MROH7: variants seen among roughly 807,000 people sequenced by gnomAD.
MROH7 encodes the protein maestro heat like repeat family member 7, also known as maestro heat-like repeat-containing protein family member 7.
A neutral mutation model predicts 129.2 loss-of-function variants in MROH7; 113 were observed. The ratio of observed to expected loss-of-function variants is 0.87; its 90% confidence interval spans 0.75 to 1.02. The LOEUF (loss-of-function observed/expected upper bound fraction) is 1.02. Among genes scored for constraint, MROH7 ranks in the 50% least tolerant of loss-of-function variants. MROH7 has a pLI of 0.00. For synonymous variants in MROH7, 655 were observed against 667.9 expected, an observed-to-expected ratio of 0.98 and a Z score of 0.30; for missense variants, 1,601 against 1,671.3, an observed-to-expected ratio of 0.96 and a Z score of 0.73.
At chr1:54,682,204 C>G (rs1451189181) in intron 13 of MROH7, among the ~76,000 whole-genome samples, 1 of 148,754 alleles carries the variant, frequency 6.7e-6, no homozygotes, top group East Asian at 2.0e-4. Flanking sequence ...TCTTTTCTCC[C>G]AGGCTGGAGT....
intron 17 of MROH7, chr1:54,698,699 G>C (rs924575826): frequency 4.6e-5 from 7 of 152,374 alleles, no homozygotes; most frequent in African/African-American, 1.4e-4. Flanking sequence ...GGTGAGGCTG[G>C]TGTGCAGCTT....
intron 14 of MROH7, 51 bp from the exon 15 acceptor site, chr1:54,686,207 T>C: frequency 6.6e-7 from 1 of 1,508,946 alleles, no homozygotes; most frequent in Non-Finnish European, 9.0e-7. Context: ...CAGCCAGGAG[T>C]GCTGGGAAGA....
rs980624778 is a variant in MROH7 at position 54,668,865 on chromosome 1, C to T, written c.1317C>T (p.Val439=). ...CTGCTGTCCCCTAGGTTGAGAATGT[C>T]ACCACCCTTCAGAAGAGCCAGGATC... ...GGNNMALVEN[V]TTLQKSQDLL... Residue 439 remains valine, a synonymous_variant, in exon 5 of 24, where the codon GTC becomes GTT. Transcript: ENST00000421030. The T allele has an allele frequency of 1.9e-6, 3 of 1,613,712 alleles. No individual in the cohort carries two copies. The highest frequency in any genetic ancestry group is 4.5e-5 in the East Asian group (2 of 44,884).
At chr1:54,646,915 G>C (rs1019500853) in intron 1 of MROH7, among the ~76,000 whole-genome samples, 2 of 152,192 alleles carry the variant, frequency 1.3e-5, no homozygotes, top group Non-Finnish European at 2.9e-5. Context: ...TTTGTGACCA[G>C]CTACTTTCAC....
chr1:54,654,849 C>T (rs1366860564), intron 3 of MROH7, among the ~76,000 whole-genome samples: 3 of 152,080 alleles, frequency 2.0e-5, no homozygotes, highest in Non-Finnish European at 4.4e-5. Context: ...CCTGTGCCTC[C>T]CTCCTGATTT....
At chr1:54,707,742 A>G (rs778889483) in intron 22 of MROH7, among the ~76,000 whole-genome samples, 30 of 152,180 alleles carry the variant, frequency 2.0e-4, no homozygotes, top group Non-Finnish European at 3.8e-4. Flanking sequence ...CTGCCCATAG[A>G]TAGCTCCCAG....
chr1:54,681,954 G>T (rs188976945), intron 13 of MROH7, among the ~76,000 whole-genome samples: 1 of 152,210 alleles, frequency 6.6e-6, no homozygotes, highest in East Asian at 1.9e-4. Flanking sequence ...TGTAAAATGG[G>T]AATAACAACA....
At chr1:54,684,068 T>C (rs1645110743) in intron 14 of MROH7, among the ~76,000 whole-genome samples, 1 of 152,204 alleles carries the variant, frequency 6.6e-6, no homozygotes, top group Non-Finnish European at 1.5e-5. Flanking sequence ...CACTCAGAAA[T>C]GTTTTTGTTG....
intron 11 of MROH7, 68 bp downstream of exon 11, chr1:54,678,922 A>G: frequency 7.9e-7 from 1 of 1,261,984 alleles, no homozygotes; most frequent in Non-Finnish European, 1.2e-6. Flanking sequence ...ACCTGGCCCC[A>G]AAGCTTTCTT....
chr1:54,680,069 C>G (rs1645045294), intron 13 of MROH7, 24 bp downstream of exon 13: 5 of 1,608,786 alleles, frequency 3.1e-6, no homozygotes, highest in Non-Finnish European at 4.3e-6. Context: ...GGGTTCCCAG[C>G]CACTGCATCT....
At chr1:54,659,959 A>G (rs1644708127) in intron 3 of MROH7, among the ~76,000 whole-genome samples, 1 of 152,194 alleles carries the variant, frequency 6.6e-6, no homozygotes, top group Admixed American at 6.6e-5. Flanking sequence ...GTAGCTGTGA[A>G]TGTTGTTGAC....
At position 54,699,159 on chromosome 1, in the gene MROH7, T is replaced by TTTCTTTCTTTCTTTCTTTCTTTC. The variant is rs71048705; in HGVS notation, c.2965-1160_2965-1159insCTTTCTTTCTTTCTTTCTTTCTT. ...CTTTCTTTCTTTCTTTCTTTCTTTCTTTTCTTTCTTTCTTTCTTTCTTTCT... is the reference window on the plus strand; with the variant it reads ...CTTTCTTTCTTTCTTTCTTTCTTTCTTTCTTTCTTTCTTTCTTTCTTTCTTTCTTTCTTTCTTTCTTTCTTTCT... On this transcript the variant is annotated intron_variant, in intron 17 of 23. Transcript: ENST00000421030. 158 of 65,948 alleles carry TTTCTTTCTTTCTTTCTTTCTTTC rather than the reference T, an allele frequency of 2.4e-3. 3 individuals are homozygous for TTTCTTTCTTTCTTTCTTTCTTTC. The highest frequency in any genetic ancestry group is 7.8e-3 in the African/African-American group (138 of 17,664). 4.1% of individuals were successfully genotyped at this position (65,948 alleles called of 1,614,324 possible). A position where few individuals can be genotyped will look rare whatever the true frequency, so the allele number is the denominator to read the frequency against.
chr1:54,645,399 C>A (rs1315940757), intron 1 of MROH7, among the ~76,000 whole-genome samples: 3 of 152,052 alleles, frequency 2.0e-5, no homozygotes, highest in Non-Finnish European at 2.9e-5. Flanking sequence ...CCTGCCCAAG[C>A]CTCCTGAGTA....
At chr1:54,698,697 T>G (rs1645361077) in intron 17 of MROH7, 1 of 151,652 alleles carries the variant, frequency 6.6e-6, no homozygotes, top group Non-Finnish European at 1.5e-5. Context: ...AGGGTGAGGC[T>G]GGTGTGCAGC....
chr1:54,653,343 G>A lies in MROH7; in HGVS notation c.417G>A (p.Leu139=). Reference sequence around the variant, plus strand: ...CTAGCTCTACTGAGGCCCCTCGTCTGAGCTCTGGGAACCACCCTCAGTCAA... The same window carrying A: ...CTAGCTCTACTGAGGCCCCTCGTCTAAGCTCTGGGAACCACCCTCAGTCAA... ...LSPSSTEAPR[L]SSGNHPQSNS... Residue 139 remains leucine (L), a synonymous_variant, in exon 3 of 24, where the codon CTG becomes CTA. Coordinates refer to ENST00000421030, the MANE Select transcript of MROH7 (RefSeq NM_001039464.4). 1 of 1,614,194 alleles carries A rather than the reference G, an allele frequency of 6.2e-7. No homozygotes were observed. The highest frequency in any genetic ancestry group is 8.5e-7 in the Non-Finnish European group (1 of 1,180,048).
Position 54,710,041 on chromosome 1 carries a change from T to C in MROH7, c.3826T>C (p.Trp1276Arg). The change falls in exon 24 of 24, where the codon TGG becomes CGG. Residue 1276 changes from tryptophan (W) to arginine (R), a missense_variant. Transcript: ENST00000421030. ...HILASCWQNS[W>R]LPHGNSWVCY... Reference sequence around the variant, plus strand: ...CCTGGCCAGCTGCTGGCAGAACTCCTGGCTGCCGCACGGGAACTCATGGGT... The same window carrying C: ...CCTGGCCAGCTGCTGGCAGAACTCCCGGCTGCCGCACGGGAACTCATGGGT... The C allele has an allele frequency of 6.2e-7, 1 of 1,614,150 alleles. No individual in the cohort carries two copies.
At chr1:54,673,671 T>A in intron 8 of MROH7, 30 bp from the exon 9 acceptor site, 1 of 1,546,398 alleles carries the variant, frequency 6.5e-7, no homozygotes, top group East Asian at 2.2e-5. Context: ...ATCTAACCTG[T>A]AGTTCTGAGT....
intron 15 of MROH7, among the ~76,000 whole-genome samples, chr1:54,690,487 A>T (rs1269123291): frequency 6.8e-6 from 1 of 147,030 alleles, no homozygotes; most frequent in Non-Finnish European, 1.5e-5. Flanking sequence ...ACTGTCGCCC[A>T]GGCTAGAGTG....
chr1:54,654,561 T>C (rs1644611747), intron 3 of MROH7, among the ~76,000 whole-genome samples: 1 of 152,060 alleles, frequency 6.6e-6, no homozygotes, highest in South Asian at 2.1e-4. Context: ...TAATCCCAGC[T>C]ACTCGGGAGG....
Sources: allele counts gnomAD v4.1 joint callset (sites outside exome capture counted in the v4.1 genomes callset), GRCh38; gene constraint gnomAD v4.1.1; transcripts MANE v1.5; gene names NCBI Gene and HGNC (gene_info 2026-07-23, HGNC 2026-07-21).